The following ABHD17A variants were observed in gnomAD, a reference collection of about 807,000 sequenced individuals.
The protein encoded by ABHD17A is alpha/beta hydrolase domain-containing protein 17A.
ABHD17A carries 10 observed loss-of-function variants against 26.8 expected under a neutral mutation model. That is an observed-to-expected ratio of 0.37 (90% CI 0.23 to 0.63). The LOEUF is 0.63. ABHD17A is among the 30% of genes least tolerant of loss of function. ABHD17A has a pLI of 0.61. For synonymous variants in ABHD17A, 167 were observed against 210.9 expected, an observed-to-expected ratio of 0.79 and a Z score of 1.80; for missense variants, 292 against 457.3, an observed-to-expected ratio of 0.64 and a Z score of 3.30.
Position 1,879,581 on chromosome 19 carries a change from C to T in ABHD17A, c.527+340G>A, listed in dbSNP as rs1178197450. The T allele has an allele frequency of 2.5e-6, 1 of 395,164 alleles. No homozygotes were observed. The highest frequency in any genetic ancestry group is 4.7e-6 in the Non-Finnish European group (1 of 210,528). The allele number at this position is 395,164 out of a possible 1,614,324, so 24.5% of individuals were successfully genotyped here. The stretch of plus-strand genomic sequence containing the variant: ...CTCGGCCGATGGGCTCCCAGCCACA[C>T]GTGCACAGACCCCCAGACCACCACC... On this transcript the variant is annotated intron_variant, in intron 3 of 4. Coordinates refer to ENST00000292577, the MANE Select transcript of ABHD17A (RefSeq NM_001130111.2). This position sits in a 1 kb window ranked among gnomAD's most constrained non-coding sequence, Gnocchi z 7.6.
rs199722443 is a variant in ABHD17A, at chr19:1,881,311, T to C, written c.256A>G (p.Ile86Val). The change falls in exon 2 of 5, where the codon ATC becomes GTC. Residue 86 changes from isoleucine to valine, a missense_variant. Coordinates refer to ENST00000292577, the MANE Select transcript of ABHD17A (RefSeq NM_001130111.2). ...FQYSQRELDT[I>V]EVFPTKSARG... ...GCGCTCTTGGTGGGGAAGACCTCGA[T>C]GGTGTCCAGCTCGCGCTGGCTGTAC... 2.1e-5 allele frequency: 34 copies of C among 1,610,856 alleles called. No individual in the cohort carries two copies. In the Admixed American group the frequency reaches 5.2e-4, roughly 24 times the overall value.
chr19:1,885,288 C>T (rs1026972281), intron 1 of ABHD17A, 64 bp downstream of exon 1: 1 of 151,608 alleles, frequency 6.6e-6, no homozygotes, highest in African/African-American at 2.4e-5. Context: ...GGCTGTCAGG[C>T]CCTCGAGGCC....
chr19:1,880,973 C>T lies in ABHD17A; in HGVS notation c.332+262G>A, dbSNP rs771236994. The T allele has an allele frequency of 1.4e-4, 224 of 1,612,602 alleles. 2 individuals carry two copies. The Admixed American group carries it at 3.0e-3, about 21-fold the overall frequency. Reference sequence around the variant, plus strand: ...TCTTGCCCAGCAGGCAACCACCAGGCGCTGGGTTGTTGGAGTCGCCCAGCC... The same window carrying T: ...TCTTGCCCAGCAGGCAACCACCAGGTGCTGGGTTGTTGGAGTCGCCCAGCC... On this transcript the variant is annotated intron_variant, in intron 2 of 4. Transcript: ENST00000292577. This position sits in a 1 kb window ranked among gnomAD's most constrained non-coding sequence, Gnocchi z 4.1.
rs1377186124 is a variant in ABHD17A, at chr19:1,880,073, G to A, written c.375C>T (p.Gly125=). Residue 125 remains glycine (G), a synonymous_variant, in exon 3 of 5, where the codon GGC becomes GGT. Transcript: ENST00000292577. The surrounding 1 kb of genome is among the most constrained non-coding windows in gnomAD (Gnocchi z 4.1). ...GGCCAATGTAGAAGCTGCTCATCTG[G>A]CCCAGGTCCACGGCATTGCCGTGCG... is the stretch of plus-strand genomic sequence containing the variant. ...LFSHGNAVDL[G]QMSSFYIGLG... is the part of the protein sequence containing the mutation. 1.9e-6 allele frequency: 3 copies of A among 1,613,198 alleles called. No individual in the cohort carries two copies. Among genetic ancestry groups the A allele is most frequent in the Admixed American group, 1.7e-5 (1 of 60,022 alleles).
Position 1,877,445 on chromosome 19 carries a change from C to T in ABHD17A, c.708-20G>A. 1 of 1,565,350 alleles carries T rather than the reference C, an allele frequency of 6.4e-7. No homozygotes were observed. Among genetic ancestry groups the T allele is most frequent in the Non-Finnish European group, 8.6e-7 (1 of 1,162,566 alleles). Reference sequence around the variant, plus strand: ...TCGATGCTGCGGGAGGGTCGTGGAGCCGGTGAGACTTCGCGCCCGGCCCGG... The same window carrying T: ...TCGATGCTGCGGGAGGGTCGTGGAGTCGGTGAGACTTCGCGCCCGGCCCGG... On this transcript the variant is annotated intron_variant, in intron 4 of 4. Transcript: ENST00000292577.
At chr19:1,884,146 C>T (rs940138881) in intron 1 of ABHD17A, among the ~76,000 whole-genome samples, 1 of 152,144 alleles carries the variant, frequency 6.6e-6, no homozygotes, top group African/African-American at 2.4e-5. Flanking sequence ...ATTTTTCACA[C>T]GTTTGGCCAG....
rs760209282 is a variant in ABHD17A, at chr19:1,880,146, C to A, written c.333-31G>T. The A allele has an allele frequency of 6.2e-7, 1 of 1,610,046 alleles. No homozygotes were observed. Among genetic ancestry groups the A allele is most frequent in the Admixed American group, 1.7e-5 (1 of 59,844 alleles). On this transcript the variant is annotated intron_variant, in intron 2 of 4. Transcript: ENST00000292577. The surrounding 1 kb of genome is among the most constrained non-coding windows in gnomAD (Gnocchi z 4.1). The stretch of plus-strand genomic sequence containing the variant: ...ACAGGCCGAGAAGGGCCGTTCACAT[C>A]CTCGCTCCCAGCGCCCAGCTGCAGG...
rs1329500698 is a variant in ABHD17A, at chr19:1,880,308, C to T, written c.333-193G>A. 6.6e-6 allele frequency among the ~76,000 whole-genome samples: 1 copy of T among 152,200 alleles called. No homozygotes were observed. Among genetic ancestry groups the T allele is most frequent in the Non-Finnish European group, 1.5e-5 (1 of 68,026 alleles). On this transcript the variant is annotated intron_variant, in intron 2 of 4. Coordinates refer to ENST00000292577, the MANE Select transcript of ABHD17A (RefSeq NM_001130111.2). The surrounding 1 kb of genome is among the most constrained non-coding windows in gnomAD (Gnocchi z 4.1). ...CAGCACAGCTCCATCTCCGAGGGTT[C>T]CCCATGGGGAGAGGACAGGACAGCT... is the stretch of plus-strand genomic sequence containing the variant.
Position 1,881,765 on chromosome 19 carries a change from C to A in ABHD17A, c.-199G>T. ...GCGGTCCAAGCCGAGCCCCAGGGAG[C>A]CTCGCAACCACAGGTCTCCATGTCG... On this transcript the variant is annotated 5_prime_UTR_variant, in exon 2 of 5. Coordinates refer to ENST00000292577, the MANE Select transcript of ABHD17A (RefSeq NM_001130111.2). 1 of 649,992 alleles carries A rather than the reference C, an allele frequency of 1.5e-6. No individual in the cohort carries two copies. The highest frequency in any genetic ancestry group is 2.4e-6 in the Non-Finnish European group (1 of 423,378). 40.3% of individuals were successfully genotyped at this position (649,992 alleles called of 1,614,324 possible).
Position 1,881,277 on chromosome 19 carries a change from T to C in ABHD17A, c.290A>G (p.Asn97Ser). 6.2e-7 allele frequency: 1 copy of C among 1,611,068 alleles called. No individual in the cohort carries two copies. The highest frequency in any genetic ancestry group is 8.5e-7 in the Non-Finnish European group (1 of 1,179,718). The part of the protein sequence containing the change: ...EVFPTKSARG[N>S]RVSCMYVRCV... Reference sequence around the variant, plus strand: ...GCGAACATACATGCAGGAGACGCGGTTGCCGCGGGCGCTCTTGGTGGGGAA... The same window carrying C: ...GCGAACATACATGCAGGAGACGCGGCTGCCGCGGGCGCTCTTGGTGGGGAA... Residue 97 changes from asparagine (N) to serine (S), a missense_variant, in exon 2 of 5, where the codon AAC (asparagine) becomes AGC (serine). By Grantham distance (46) the Asn-to-Ser change is conservative (BLOSUM62 1). This residue lies in a region of ABHD17A where 171 missense variants were observed against 216.1 expected (regional missense o/e 0.79). Transcript: ENST00000292577.
rs764999339 is a variant in ABHD17A at position 1,881,615 on chromosome 19, G to A, written c.-49C>T. 1.5e-5 allele frequency: 22 copies of A among 1,467,488 alleles called. No individual in the cohort carries two copies. Among genetic ancestry groups the A allele is most frequent in the South Asian group, 6.8e-5 (5 of 73,456 alleles). 90.9% of individuals were successfully genotyped at this position (1,467,488 alleles called of 1,614,324 possible). A position where few individuals can be genotyped will look rare whatever the true frequency, so the allele number is the denominator to read the frequency against. ...CTCCACCGGGGCCCCCGCCAACAAC[G>A]CCGCCCGGCCTGGCCCGGCAGGGGA... On this transcript the variant is annotated 5_prime_UTR_variant, in exon 2 of 5. Transcript: ENST00000292577.
chr19:1,881,650 G>T lies in ABHD17A; in HGVS notation c.-84C>A. On this transcript the variant is annotated 5_prime_UTR_variant, in exon 2 of 5. Transcript: ENST00000292577. ...CTGGCCCGGCAGGGGAGGGGTGGGGGTGCTCCGAGTCGCGGGCAGGGGGGA... is the reference window on the plus strand; with the variant it reads ...CTGGCCCGGCAGGGGAGGGGTGGGGTTGCTCCGAGTCGCGGGCAGGGGGGA... The T allele has an allele frequency of 2.1e-6, 3 of 1,406,100 alleles. No homozygotes were observed. Among genetic ancestry groups the T allele is most frequent in the Non-Finnish European group, 2.8e-6 (3 of 1,090,422 alleles). The allele number at this position is 1,406,100 out of a possible 1,614,324, so 87.1% of individuals were successfully genotyped here. A position where few individuals can be genotyped will look rare whatever the true frequency, so the allele number is the denominator to read the frequency against.
In ABHD17A at chr19:1,879,977, A is replaced by C. The variant is rs1470584863; in HGVS notation, c.471T>G (p.Pro157=). ...TGTCGGCATAGAGGTTCCTCTCGGA[A>C]GGCCTGCCCGAGCTGGCACCGTAGC... is the stretch of plus-strand genomic sequence containing the variant. ...YSGYGASSGR[P]SERNLYADID... is the part of the protein sequence containing the mutation. The change falls in exon 3 of 5, where the codon CCT becomes CCG. Residue 157 remains proline (P), a synonymous_variant. Transcript: ENST00000292577. The surrounding 1 kb of genome is among the most constrained non-coding windows in gnomAD (Gnocchi z 7.6). The C allele has an allele frequency of 1.9e-6, 3 of 1,613,008 alleles. No individual in the cohort carries two copies. The highest frequency in any genetic ancestry group is 2.7e-5 in the African/African-American group (2 of 74,940).
intron 3 of ABHD17A, chr19:1,878,310 T>C (rs1043612379): frequency 1.0e-4 from 16 of 152,960 alleles, no homozygotes; most frequent in African/African-American, 3.9e-4. Context: ...CACCTTCCCT[T>C]GGGAGTGGAC....
rs372115600 is a variant in ABHD17A at position 1,879,865 on chromosome 19, C to A, written c.527+56G>T. 2.0e-6 allele frequency: 3 copies of A among 1,517,832 alleles called. No homozygotes were observed. Among genetic ancestry groups the A allele is most frequent in the Non-Finnish European group, 2.7e-6 (3 of 1,129,642 alleles). 94.0% of individuals were successfully genotyped at this position (1,517,832 alleles called of 1,614,324 possible). A position where few individuals can be genotyped will look rare whatever the true frequency, so the allele number is the denominator to read the frequency against. On this transcript the variant is annotated intron_variant, in intron 3 of 4. Coordinates refer to ENST00000292577, the MANE Select transcript of ABHD17A (RefSeq NM_001130111.2). This position sits in a 1 kb window ranked among gnomAD's most constrained non-coding sequence, Gnocchi z 7.6. ...CAGGGAAGCCCGCCCCCCGGCCCCC[C>A]GCCTGGTCCCCTCTTGGGTGTGCCC...
rs150555779 is a variant in ABHD17A, at chr19:1,880,508, G to A, written c.333-393C>T. Among the ~76,000 whole-genome samples the A allele has an allele frequency of 5.9e-5, 9 of 152,326 alleles. No homozygotes were observed. The highest frequency in any genetic ancestry group is 2.2e-4 in the African/African-American group (9 of 41,562). On this transcript the variant is annotated intron_variant, in intron 2 of 4. Coordinates refer to ENST00000292577, the MANE Select transcript of ABHD17A (RefSeq NM_001130111.2). The surrounding 1 kb of genome is among the most constrained non-coding windows in gnomAD (Gnocchi z 4.1). ...TCCTCCTGGAAGAACCTGGACCCCC[G>A]GGGATGGAGCGCACAGGCCCACCTT... is the stretch of plus-strand genomic sequence containing the variant.
rs1223727163 is a variant in ABHD17A, at chr19:1,881,816, C to A, written c.-238-12G>T. 4.1e-6 allele frequency: 2 copies of A among 492,504 alleles called. No individual in the cohort carries two copies. The highest frequency in any genetic ancestry group is 2.1e-5 in the African/African-American group (1 of 48,130). 30.5% of individuals were successfully genotyped at this position (492,504 alleles called of 1,614,324 possible). A position where few individuals can be genotyped will look rare whatever the true frequency, so the allele number is the denominator to read the frequency against. The stretch of plus-strand genomic sequence containing the variant: ...TGCCGTGGGAAGCCCTGCGGGGGAA[C>A]AGTGACATGTGGGGTCCTTTGGGGG... On this transcript the variant is annotated splice_polypyrimidine_tract_variant and intron_variant, in intron 1 of 4. Transcript: ENST00000292577.
At chr19:1,878,222 C>T (rs984326611) in intron 3 of ABHD17A, 2 of 156,312 alleles carry the variant, frequency 1.3e-5, no homozygotes, top group African/African-American at 4.8e-5. Context: ...TCGGAGTCCC[C>T]ACGCCCAATG....
At position 1,881,629 on chromosome 19, in the gene ABHD17A, C is replaced by A; in HGVS notation, c.-63G>T. 2 of 1,438,326 alleles carry A rather than the reference C, an allele frequency of 1.4e-6. No homozygotes were observed. The highest frequency in any genetic ancestry group is 1.8e-6 in the Non-Finnish European group (2 of 1,105,536). The allele number at this position is 1,438,326 out of a possible 1,614,324, so 89.1% of individuals were successfully genotyped here. On this transcript the variant is annotated 5_prime_UTR_variant, in exon 2 of 5. Coordinates refer to ENST00000292577, the MANE Select transcript of ABHD17A (RefSeq NM_001130111.2). ...CCGCCAACAACGCCGCCCGGCCTGG[C>A]CCGGCAGGGGAGGGGTGGGGGTGCT... is the stretch of plus-strand genomic sequence containing the variant.
Sources: allele counts gnomAD v4.1 joint callset (sites outside exome capture counted in the v4.1 genomes callset), GRCh38; gene constraint gnomAD v4.1.1; regional missense constraint gnomAD v4.1.1; non-coding constraint Gnocchi (gnomAD v3.1); transcripts MANE v1.5; gene names NCBI Gene and HGNC (gene_info 2026-07-23, HGNC 2026-07-21).